DESI1: variants seen among roughly 807,000 people sequenced by gnomAD.
DESI1 encodes the protein desumoylating isopeptidase 1, also known as PPPDE peptidase domain containing 2.
DESI1 carries 17 observed loss-of-function variants against 22.4 expected under a neutral mutation model. The observed-to-expected ratio is 0.76, with a 90% CI of 0.52 to 1.14. The LOEUF is 1.14. DESI1 is among the 50% of genes most tolerant of loss of function. The probability of loss-of-function intolerance (pLI) is 0.00; values close to 1 mark genes in which losing one functional copy is unlikely to be tolerated. For missense variants in DESI1, 177 were observed against 208.9 expected (o/e 0.85, Z 0.94); for synonymous variants, 92 against 84.2 (o/e 1.09, Z -0.51).
At chr22:41,607,129 G>A (rs1601510936) in intron 3 of DESI1, 133 bp downstream of exon 3, 3 of 790,886 alleles carry the variant, frequency 3.8e-6, no homozygotes, top group South Asian at 4.7e-5. Flanking sequence ...TCTGGGAAAG[G>A]TTTTATTGAG....
intron 4 of DESI1, 83 bp downstream of exon 4, chr22:41,603,961 A>T: frequency 8.0e-7 from 1 of 1,254,980 alleles, no homozygotes; most frequent in Non-Finnish European, 1.1e-6. Flanking sequence ...GATAAGGATG[A>T]TATGACATGG....
intron 1 of DESI1, among the ~76,000 whole-genome samples, chr22:41,620,430 C>T (rs1041796687): frequency 3.3e-5 from 5 of 152,154 alleles, no homozygotes; most frequent in Admixed American, 3.3e-4. Flanking sequence ...GAGAACCCGC[C>T]GGGATCCAGC....
chr22:41,612,175 A>G (rs1366558102), intron 1 of DESI1, among the ~76,000 whole-genome samples: 1 of 152,164 alleles, frequency 6.6e-6, no homozygotes, highest in Non-Finnish European at 1.5e-5. Flanking sequence ...AATAAGTCAT[A>G]ACATGTTAGC....
rs780002915 is a variant in DESI1 at position 41,604,073 on chromosome 22, G to A, written c.261C>T (p.Tyr87=). ...ACAGGGACTCCCCCAGGGAGGAGAG[G>A]TACTCCAGAAAGATTTCTTCTGTGA... ...TEVTEEIFLE[Y]LSSLGESLFR... The change falls in exon 4 of 6, where the codon TAC becomes TAT. Residue 87 remains tyrosine, a synonymous_variant. Coordinates refer to ENST00000263256, the MANE Select transcript of DESI1 (RefSeq NM_015704.3). 3.7e-6 allele frequency: 6 copies of A among 1,613,680 alleles called. No homozygotes were observed. The South Asian group carries it at 5.5e-5, about 15-fold the overall frequency.
intron 4 of DESI1, 118 bp from the exon 5 acceptor site, chr22:41,603,499 C>T: frequency 6.8e-7 from 1 of 1,465,314 alleles, no homozygotes; most frequent in Non-Finnish European, 9.4e-7. Flanking sequence ...GCGATTTCCC[C>T]CGTCTCATAC....
intron 1 of DESI1, among the ~76,000 whole-genome samples, chr22:41,609,885 C>T (rs867318817): frequency 6.7e-5 from 10 of 148,510 alleles, no homozygotes; most frequent in Non-Finnish European, 1.3e-4. Context: ...GTCAGGAGTT[C>T]GAGACCAGCC....
At chr22:41,603,051 G>T in intron 5 of DESI1, 1 of 766,234 alleles carries the variant, frequency 1.3e-6, no homozygotes, top group Non-Finnish European at 2.0e-6. Context: ...ACTTAGGCCA[G>T]GGCAGAGCTG....
At chr22:41,603,127 G>T in intron 5 of DESI1, 132 bp downstream of exon 5, 2 of 1,336,114 alleles carry the variant, frequency 1.5e-6, no homozygotes, top group Non-Finnish European at 2.1e-6. Flanking sequence ...GCAGCCTTCT[G>T]TGTTAGAATC....
intron 1 of DESI1, among the ~76,000 whole-genome samples, chr22:41,609,475 TAA>T (rs1425018812): frequency 1.3e-5 from 2 of 152,126 alleles, no homozygotes; most frequent in Non-Finnish European, 2.9e-5. Context: ...GGGAAAAGGG[TAA>T]AGACTTCCAG....
At chr22:41,618,880 C>T (rs2067565316) in intron 1 of DESI1, among the ~76,000 whole-genome samples, 1 of 152,108 alleles carries the variant, frequency 6.6e-6, no homozygotes, top group South Asian at 2.1e-4. Context: ...CTGGCTAACA[C>T]AGTGAAACCC....
In DESI1 at chr22:41,600,759, G is replaced by A. The variant is rs2067445153; in HGVS notation, c.*338C>T. 1 of 261,232 alleles carries A rather than the reference G, an allele frequency of 3.8e-6. No homozygotes were observed. The highest frequency in any genetic ancestry group is 3.7e-5 in the South Asian group (1 of 26,692). 16.2% of individuals were successfully genotyped at this position (261,232 alleles called of 1,614,324 possible). A position where few individuals can be genotyped will look rare whatever the true frequency, so the allele number is the denominator to read the frequency against. Reference sequence around the variant, plus strand: ...TGAGTGTTCTCTGGAAAGAGTTCTAGGTTGGGGCTCCCGCAAACTGTGACT... The same window carrying A: ...TGAGTGTTCTCTGGAAAGAGTTCTAAGTTGGGGCTCCCGCAAACTGTGACT... On this transcript the variant is annotated 3_prime_UTR_variant, in exon 6 of 6. Transcript: ENST00000263256.
chr22:41,610,017 T>A (rs1601512618), intron 1 of DESI1, among the ~76,000 whole-genome samples: 1 of 137,934 alleles, frequency 7.2e-6, no homozygotes, highest in African/African-American at 2.8e-5. Flanking sequence ...GAGGCAGAGG[T>A]TGCAGTGAGC....
intron 4 of DESI1, 111 bp from the exon 5 acceptor site, chr22:41,603,492 A>G (rs2067461358): frequency 6.6e-7 from 1 of 1,512,770 alleles, no homozygotes; most frequent in South Asian, 1.2e-5. Context: ...GAGGATTGCG[A>G]TTTCCCCCGT....
intron 1 of DESI1, among the ~76,000 whole-genome samples, 168 bp from the exon 2 acceptor site, chr22:41,608,029 TGTAA>T (rs1569067908): frequency 6.6e-6 from 1 of 152,106 alleles, no homozygotes; most frequent in South Asian, 2.1e-4. Flanking sequence ...TGTGACAGAG[TGTAA>T]GTAAGTTGAA....
In DESI1 at chr22:41,600,932, A is replaced by G; in HGVS notation, c.*165T>C. 1.6e-6 allele frequency: 1 copy of G among 634,926 alleles called. No individual in the cohort carries two copies. The highest frequency in any genetic ancestry group is 2.8e-6 in the Non-Finnish European group (1 of 356,332). 39.3% of individuals were successfully genotyped at this position (634,926 alleles called of 1,614,324 possible). A position where few individuals can be genotyped will look rare whatever the true frequency, so the allele number is the denominator to read the frequency against. ...GTGGCATTTTGTTCTGTTTCTTAGC[A>G]GCATTGTCTACATGCGGCCTGACGG... is the stretch of plus-strand genomic sequence containing the variant. On this transcript the variant is annotated 3_prime_UTR_variant, in exon 6 of 6. Transcript: ENST00000263256.
chr22:41,609,814 GTGGT>G (rs1485346939), intron 1 of DESI1, among the ~76,000 whole-genome samples: 1 of 140,804 alleles, frequency 7.1e-6, no homozygotes, highest in Non-Finnish European at 1.5e-5. Context: ...TAGGCCAGGT[GTGGT>G]GGCTCACACC....
chr22:41,621,035 G>A lies in DESI1; in HGVS notation c.-196C>T, dbSNP rs1414508696. ...CTACCGGCAACGACTACTGTGAGGT[G>A]ACAGAGAGGGGACAGGGAGGGCCCA... On this transcript the variant is annotated 5_prime_UTR_variant, in exon 1 of 6. Transcript: ENST00000263256. 1.8e-5 allele frequency: 11 copies of A among 599,774 alleles called. No homozygotes were observed. The highest frequency in any genetic ancestry group is 3.2e-5 in the Non-Finnish European group (11 of 345,012). 37.2% of individuals were successfully genotyped at this position (599,774 alleles called of 1,614,324 possible).
At chr22:41,611,521 C>T (rs761937202) in intron 1 of DESI1, among the ~76,000 whole-genome samples, 17 of 151,230 alleles carry the variant, frequency 1.1e-4, no homozygotes, top group Non-Finnish European at 1.8e-4. Flanking sequence ...TGTTTATTTA[C>T]GTGAAGACAT....
intron 5 of DESI1, among the ~76,000 whole-genome samples, chr22:41,601,775 G>A (rs1363868600): frequency 2.0e-5 from 3 of 152,126 alleles, no homozygotes; most frequent in Non-Finnish European, 4.4e-5. Flanking sequence ...GTGCAATGGC[G>A]TGATCTCGGC....
Sources: gnomAD v4.1 joint callset for allele counts (sites outside exome capture counted in the v4.1 genomes callset) on GRCh38, gnomAD v4.1.1 for gene constraint, MANE v1.5 for transcripts, NCBI Gene and HGNC (gene_info 2026-07-23, HGNC 2026-07-21) for gene names.